Variants in ZFHX3 observed in about 807,000 individuals in gnomAD.
The protein encoded by ZFHX3 is zinc finger homeobox 3.
A neutral mutation model predicts 279.1 loss-of-function variants in ZFHX3; 42 were observed. The observed-to-expected ratio is 0.15, with a 90% CI of 0.12 to 0.19. ZFHX3 has a LOEUF of 0.19. ZFHX3 is among the 10% of genes least tolerant of loss of function. ZFHX3 has a pLI of 1.00. For synonymous variants in ZFHX3, 2,293 were observed against 1,957.8 expected (o/e 1.17, Z -4.52); for missense variants, 4,981 against 4,754.0 (o/e 1.05, Z -1.40).
At chr16:73,465,470 T>A (rs1197938149) in intron 2 of ZFHX3, among the ~76,000 whole-genome samples, 2 of 152,128 alleles carry the variant, frequency 1.3e-5, no homozygotes, top group Non-Finnish European at 2.9e-5. Flanking sequence ...CTCCTCCTGG[T>A]GCCTCTGAGG....
At chr16:73,657,991 A>G (rs2052739612) in intron 2 of ZFHX3, among the ~76,000 whole-genome samples, 1 of 152,258 alleles carries the variant, frequency 6.6e-6, no homozygotes, top group South Asian at 2.1e-4. Context: ...ATATTTTAAT[A>G]TTTGACTGTA....
intron 3 of ZFHX3, among the ~76,000 whole-genome samples, chr16:73,325,459 G>A (rs956593546): frequency 1.3e-5 from 2 of 152,084 alleles, no homozygotes; most frequent in Non-Finnish European, 2.9e-5. Flanking sequence ...ACTCTGCCTG[G>A]GGAATTTAGA....
chr16:73,382,746 C>G (rs1023585319), intron 3 of ZFHX3, among the ~76,000 whole-genome samples: 3 of 152,206 alleles, frequency 2.0e-5, no homozygotes, highest in Non-Finnish European at 4.4e-5. Context: ...CTCCTTGATC[C>G]TTTCCTTGAG....
At chr16:73,493,609 A>C (rs1273974255) in intron 2 of ZFHX3, among the ~76,000 whole-genome samples, 1 of 152,224 alleles carries the variant, frequency 6.6e-6, no homozygotes, top group Non-Finnish European at 1.5e-5. Flanking sequence ...GGACAGGTTC[A>C]CATGGTGCTT....
At chr16:73,697,115 C>A (rs1484030116) in intron 1 of ZFHX3, among the ~76,000 whole-genome samples, 1 of 151,914 alleles carries the variant, frequency 6.6e-6, no homozygotes, top group Non-Finnish European at 1.5e-5. Context: ...TTTAAGTGAA[C>A]TAGCTCTTAG....
chr16:73,007,932 A>G (rs975321273), intron 1 of ZFHX3, among the ~76,000 whole-genome samples: 2 of 152,146 alleles, frequency 1.3e-5, no homozygotes, highest in Admixed American at 6.5e-5. Context: ...TTTTTCTATC[A>G]TATCAATTCC....
intron 4 of ZFHX3, among the ~76,000 whole-genome samples, chr16:73,274,916 T>C (rs1370364356): frequency 6.6e-6 from 1 of 152,250 alleles, no homozygotes; most frequent in Non-Finnish European, 1.5e-5. Flanking sequence ...CCTTTATTGG[T>C]CTAAGAAACT....
intron 3 of ZFHX3, among the ~76,000 whole-genome samples, chr16:72,905,155 A>C (rs989481413): frequency 6.6e-6 from 1 of 151,922 alleles, no homozygotes; most frequent in Non-Finnish European, 1.5e-5. Context: ...TTTTGTGTAG[A>C]TGCTTCACTT....
At position 72,797,060 on chromosome 16, in the gene ZFHX3, G is replaced by C. The variant is rs778933779; in HGVS notation, c.5622C>G (p.Pro1874=). The C allele has an allele frequency of 6.9e-5, 111 of 1,613,642 alleles. No individual in the cohort carries two copies. Among genetic ancestry groups the C allele is most frequent in the Non-Finnish European group, 9.2e-5 (108 of 1,180,002 alleles). ...HSALLQPSQH[P]EKKNKLVIKE... is the part of the protein sequence containing the mutation. ...TGATGACCAATTTGTTCTTCTTTTC[G>C]GGGTGCTGGCTTGGCTGAAGGAGGG... The change falls in exon 9 of 10, where the codon CCC becomes CCG. Residue 1874 remains proline (P), a synonymous_variant. Coordinates refer to ENST00000268489, the MANE Select transcript of ZFHX3 (RefSeq NM_006885.4).
In ZFHX3 at chr16:73,099,728, A is replaced by AAG. The variant is rs59552597; in HGVS notation, c.-896-6132_-896-6131dup. Among the ~76,000 whole-genome samples, 146 of 147,276 alleles carry AAG rather than the reference A, an allele frequency of 9.9e-4. 1 individual carries two copies. Among genetic ancestry groups the AAG allele is most frequent in the South Asian group, 4.0e-3 (18 of 4,536 alleles). On this transcript the variant is annotated intron_variant, in intron 7 of 17. Coordinates refer to the ZFHX3 transcript ENST00000641206. Reference sequence around the variant, plus strand: ...TCCATCTCAAAAAAAAAAAAAAAAAAAGAGAGAGAGAAATGAGCTCTGTGT... The same window carrying AAG: ...TCCATCTCAAAAAAAAAAAAAAAAAAAGAGAGAGAGAGAAATGAGCTCTGTGT...
chr16:73,140,548 C>A (rs539711813), intron 6 of ZFHX3, among the ~76,000 whole-genome samples: 1 of 152,212 alleles, frequency 6.6e-6, no homozygotes, highest in South Asian at 2.1e-4. Context: ...AGGTCTCAAC[C>A]TTTTCATACC....
chr16:73,322,314 C>A (rs2015591498), intron 3 of ZFHX3, among the ~76,000 whole-genome samples: 1 of 151,740 alleles, frequency 6.6e-6, no homozygotes, highest in Admixed American at 6.6e-5. Flanking sequence ...ATACTTTTCA[C>A]ACGTTTAATG....
chr16:73,080,581 G>C (rs7359374), intron 8 of ZFHX3, among the ~76,000 whole-genome samples: 141,170 of 151,280 alleles, frequency 0.93, 65,899 homozygotes, highest in East Asian at 1. Flanking sequence ...CTTTTTCTTT[G>C]TTTTTTTTTT....
At chr16:73,764,336 T>C (rs2053904122) in intron 1 of ZFHX3, among the ~76,000 whole-genome samples, 2 of 152,108 alleles carry the variant, frequency 1.3e-5, no homozygotes, top group African/African-American at 4.8e-5. Context: ...CTATGAGAAA[T>C]CTTTTTTATA....
chr16:73,770,197 G>A (rs2054002139), intron 1 of ZFHX3, among the ~76,000 whole-genome samples: 1 of 152,234 alleles, frequency 6.6e-6, no homozygotes, highest in Admixed American at 6.5e-5. Context: ...ATAAAGTGGA[G>A]TAGGGTGACT....
intron 1 of ZFHX3, among the ~76,000 whole-genome samples, chr16:73,743,270 A>G (rs2053675127): frequency 1.3e-5 from 2 of 152,214 alleles, no homozygotes; most frequent in South Asian, 4.1e-4. Flanking sequence ...CTCTTTGATC[A>G]TTTCACAGCA....
At chr16:73,186,023 A>G (rs1223972161) in intron 5 of ZFHX3, among the ~76,000 whole-genome samples, 2 of 151,980 alleles carry the variant, frequency 1.3e-5, no homozygotes, top group Non-Finnish European at 2.9e-5. Flanking sequence ...TATGCGAGGG[A>G]TCTAGGTTGC....
chr16:73,823,862 G>C (rs577178577), intron 1 of ZFHX3, among the ~76,000 whole-genome samples: 17 of 152,258 alleles, frequency 1.1e-4, no homozygotes, highest in Non-Finnish European at 1.2e-4. Context: ...GTCTTTCAGC[G>C]GACGCTCTGA....
At chr16:73,516,777 T>C (rs2019529271) in intron 2 of ZFHX3, among the ~76,000 whole-genome samples, 3 of 152,210 alleles carry the variant, frequency 2.0e-5, no homozygotes, top group Non-Finnish European at 4.4e-5. Context: ...CCCAGAGCAG[T>C]GTCTGACACA....
Sources: allele counts gnomAD v4.1 joint callset (sites outside exome capture counted in the v4.1 genomes callset), GRCh38; gene constraint gnomAD v4.1.1; transcripts MANE v1.5; gene names NCBI Gene and HGNC (gene_info 2026-07-23, HGNC 2026-07-21).